The following SUPT20H variants were observed in gnomAD, a reference collection of about 807,000 sequenced individuals.
SUPT20H encodes the protein SPT20 homolog, SAGA complex component, also known as transcription factor SPT20 homolog.
In SUPT20H, 82 loss-of-function variants were observed where a neutral mutation model predicts 122.8. The ratio of observed to expected loss-of-function variants is 0.67; its 90% CI spans 0.56 to 0.80. The LOEUF is 0.80. Among genes scored for constraint, SUPT20H ranks in the 30% least tolerant of loss-of-function variants. The pLI, the probability that SUPT20H is intolerant of heterozygous loss-of-function variation, is 0.00. For missense variants in SUPT20H, 831 were observed against 921.6 expected, an observed-to-expected ratio of 0.90 and a Z score of 1.27; for synonymous variants, 291 against 313.0, an observed-to-expected ratio of 0.93 and a Z score of 0.74.
In SUPT20H at chr13:37,051,537, T is replaced by G. The variant is rs369771107; in HGVS notation, c.-47A>C. The G allele has an allele frequency of 6.3e-7, 1 of 1,599,982 alleles. No homozygotes were observed. Among genetic ancestry groups the G allele is most frequent in the East Asian group, 2.2e-5 (1 of 44,660 alleles). On this transcript the variant is annotated 5_prime_UTR_variant, in exon 2 of 26. Coordinates refer to ENST00000350612, the MANE Select transcript of SUPT20H (RefSeq NM_001014286.3). ...AAAAGAAGAGATAACTTATGTACGCTGATGAAGTGGGGTGAACACCATGCC... is the reference window on the plus strand; with the variant it reads ...AAAAGAAGAGATAACTTATGTACGCGGATGAAGTGGGGTGAACACCATGCC...
intron 25 of SUPT20H, 77 bp from the exon 26 acceptor site, chr13:37,009,886 AACAAC>A (rs1484023707): frequency 2.2e-5 from 34 of 1,531,026 alleles, no homozygotes; most frequent in South Asian, 3.9e-5. Flanking sequence ...TGAGTGACGA[AACAAC>A]ACAACTGAAA....
chr13:37,024,025 T>C lies in SUPT20H; in HGVS notation c.1591+10A>G. 6.3e-7 allele frequency: 1 copy of C among 1,594,210 alleles called. No homozygotes were observed. The highest frequency in any genetic ancestry group is 8.5e-7 in the Non-Finnish European group (1 of 1,172,720). ...TGAAGATTTAATGAAGAATTTAAGT[T>C]ATGACTCACTTTGTGATGAGCTGGC... On this transcript the variant is annotated intron_variant, in intron 19 of 25. Transcript: ENST00000350612.
At chr13:37,015,814 A>G (rs1156756921) in intron 23 of SUPT20H, among the ~76,000 whole-genome samples, 1 of 152,158 alleles carries the variant, frequency 6.6e-6, no homozygotes, top group East Asian at 1.9e-4. Flanking sequence ...TAAACAAAAT[A>G]TGGTATATAC....
At chr13:37,019,474 T>A in intron 21 of SUPT20H, 77 bp from the exon 22 acceptor site, 1 of 993,666 alleles carries the variant, frequency 1.0e-6, no homozygotes, top group Non-Finnish European at 1.5e-6. Flanking sequence ...TTAGTATATA[T>A]AAGTACAATA....
At chr13:37,044,837 T>G (rs544366806) in intron 6 of SUPT20H, among the ~76,000 whole-genome samples, 6 of 152,220 alleles carry the variant, frequency 3.9e-5, no homozygotes, top group Non-Finnish European at 8.8e-5. Context: ...ATGTTCAAAC[T>G]GCAGGACTAC....
At position 37,022,375 on chromosome 13, in the gene SUPT20H, A is replaced by C; in HGVS notation, c.1592-295T>G. 7 of 1,349,462 alleles carry C rather than the reference A, an allele frequency of 5.2e-6. No homozygotes were observed. Among genetic ancestry groups the C allele is most frequent in the Non-Finnish European group, 6.7e-6 (7 of 1,051,520 alleles). The allele number at this position is 1,349,462 out of a possible 1,614,324, so 83.6% of individuals were successfully genotyped here. A position where few individuals can be genotyped will look rare whatever the true frequency, so the allele number is the denominator to read the frequency against. On this transcript the variant is annotated intron_variant, in intron 19 of 25. Coordinates refer to ENST00000350612, the MANE Select transcript of SUPT20H (RefSeq NM_001014286.3). This position sits in a 1 kb window ranked among gnomAD's most constrained non-coding sequence, Gnocchi z 4.5. ...TGTTATAAATGGCCAGTCCTTTTAAAATAAGGTTAATGGAATCTTACTTAG... is the reference window on the plus strand; with the variant it reads ...TGTTATAAATGGCCAGTCCTTTTAACATAAGGTTAATGGAATCTTACTTAG...
chr13:37,043,251 G>C (rs1046823222), intron 7 of SUPT20H, among the ~76,000 whole-genome samples: 4 of 152,190 alleles, frequency 2.6e-5, no homozygotes, highest in Non-Finnish European at 5.9e-5. Context: ...TATGAAGAGA[G>C]AGGTAGGGAT....
At position 37,018,364 on chromosome 13, in the gene SUPT20H, G is replaced by A. The variant is rs145220284; in HGVS notation, c.1872+978C>T. Among the ~76,000 whole-genome samples the A allele has an allele frequency of 7.4e-3, 1,120 of 152,250 alleles. 6 individuals carry two copies. Among genetic ancestry groups the A allele is most frequent in the Middle Eastern group, 0.014 (4 of 294 alleles). On this transcript the variant is annotated intron_variant, in intron 22 of 25. Coordinates refer to ENST00000350612, the MANE Select transcript of SUPT20H (RefSeq NM_001014286.3). ...GCTAAATAAACAAATGCAATTTGTG[G>A]GCTTGCCCATATTATAAGTATATTG...
At chr13:37,026,630 G>C (rs1052951130) in intron 15 of SUPT20H, among the ~76,000 whole-genome samples, 160 bp downstream of exon 15, 2 of 152,018 alleles carry the variant, frequency 1.3e-5, no homozygotes, top group African/African-American at 4.8e-5. Flanking sequence ...AATTTTAGAA[G>C]TTACTATTAA....
In SUPT20H at chr13:37,009,761, G is replaced by GTGC. The variant is rs1413073870; in HGVS notation, c.2248_2250dup (p.Ala750dup). ...CGATGATGATGTAGCTGAGCTGTTTGTGCTGCTGCTGCTGCCATAGCCATT... is the reference window on the plus strand; with the variant it reads ...CGATGATGATGTAGCTGAGCTGTTTGTGCTGCTGCTGCTGCTGCCATAGCCATT... On this transcript the variant is annotated inframe_insertion, in exon 26 of 26. Coordinates refer to ENST00000350612, the MANE Select transcript of SUPT20H (RefSeq NM_001014286.3). 3.1e-6 allele frequency: 5 copies of GTGC among 1,613,780 alleles called. No individual in the cohort carries two copies. Among genetic ancestry groups the GTGC allele is most frequent in the Non-Finnish European group, 3.4e-6 (4 of 1,179,880 alleles).
rs1183065791 is a variant in SUPT20H at position 37,025,412 on chromosome 13, C to T, written c.1237G>A (p.Val413Ile). 1 of 1,613,582 alleles carries T rather than the reference C, an allele frequency of 6.2e-7. No homozygotes were observed. Among genetic ancestry groups the T allele is most frequent in the Non-Finnish European group, 8.5e-7 (1 of 1,179,748 alleles). ...ERVVNQYQELVQNEAKCPVKM... is the reference protein window; with the variant it reads ...ERVVNQYQELIQNEAKCPVKM... ...ACCGGACATTTGGCTTCATTCTGGA[C>T]TAATTCTTGGTACTGATTGACTACC... Residue 413 changes from valine (V) to isoleucine (I), a missense_variant, in exon 17 of 26, where the codon GTC becomes ATC. Val to Ile is a conservative substitution (Grantham distance 29). Transcript: ENST00000350612.
At chr13:37,010,690 A>C (rs765715643) in intron 24 of SUPT20H, 35 bp from the exon 25 acceptor site, 1 of 1,542,332 alleles carries the variant, frequency 6.5e-7, no homozygotes. Context: ...AGGCCAGTCA[A>C]AAAGTTTGAA....
Position 37,047,549 on chromosome 13 carries a change from CT to C in SUPT20H, c.150del (p.Glu51AsnfsTer7). On this transcript the variant is annotated frameshift_variant, in exon 5 of 26. Coordinates refer to ENST00000350612, the MANE Select transcript of SUPT20H (RefSeq NM_001014286.3). LOFTEE classifies it high-confidence loss of function. ...TGTATACTTACCTTAACTTCAGGTTCTTTTTCACATTCTTCAATATACAAGT... is the reference window on the plus strand; with the variant it reads ...TGTATACTTACCTTAACTTCAGGTTCTTTTCACATTCTTCAATATACAAGT... ...LYDLYIEECE[K>X]EPEVKKLRRN... 1.4e-6 allele frequency: 2 copies of C among 1,443,396 alleles called. No individual in the cohort carries two copies. The highest frequency in any genetic ancestry group is 2.7e-5 in the Admixed American group (1 of 36,786). 89.4% of individuals were successfully genotyped at this position (1,443,396 alleles called of 1,614,324 possible). A position where few individuals can be genotyped will look rare whatever the true frequency, so the allele number is the denominator to read the frequency against.
In SUPT20H at chr13:37,022,393, T is replaced by C; in HGVS notation, c.1592-313A>G. 1 of 1,330,964 alleles carries C rather than the reference T, an allele frequency of 7.5e-7. No individual in the cohort carries two copies. The highest frequency in any genetic ancestry group is 9.6e-7 in the Non-Finnish European group (1 of 1,041,836). The allele number at this position is 1,330,964 out of a possible 1,614,324, so 82.4% of individuals were successfully genotyped here. On this transcript the variant is annotated intron_variant, in intron 19 of 25. Coordinates refer to ENST00000350612, the MANE Select transcript of SUPT20H (RefSeq NM_001014286.3). This position sits in a 1 kb window ranked among gnomAD's most constrained non-coding sequence, Gnocchi z 4.5. The stretch of plus-strand genomic sequence containing the variant: ...CTTTTAAAATAAGGTTAATGGAATC[T>C]TACTTAGCACTGACAATTTGTTCTA...
chr13:37,028,669 C>G (rs943866315), intron 13 of SUPT20H, among the ~76,000 whole-genome samples: 2 of 151,906 alleles, frequency 1.3e-5, no homozygotes, highest in African/African-American at 4.8e-5. Context: ...ACTGAAAGCT[C>G]CACCATATTT....
At chr13:37,013,353 T>C (rs548434752) in intron 23 of SUPT20H, 1 of 152,204 alleles carries the variant, frequency 6.6e-6, no homozygotes, top group East Asian at 1.9e-4. Flanking sequence ...TCAGAAAGAA[T>C]AGCTGTTTTT....
At chr13:37,013,525 A>G (rs2059942139) in intron 23 of SUPT20H, 1 of 152,032 alleles carries the variant, frequency 6.6e-6, no homozygotes, top group Non-Finnish European at 1.5e-5. Context: ...AGAAACTATA[A>G]AACTGTTAGA....
chr13:37,026,741 A>C (rs2062353367), intron 15 of SUPT20H, 49 bp downstream of exon 15: 1 of 1,093,572 alleles, frequency 9.1e-7, no homozygotes, highest in Non-Finnish European at 1.3e-6. Flanking sequence ...AAAGAGTTTG[A>C]TATTTATGTA....
chr13:37,032,928 C>T (rs2063649999), intron 10 of SUPT20H, among the ~76,000 whole-genome samples: 1 of 152,016 alleles, frequency 6.6e-6, no homozygotes, highest in Non-Finnish European at 1.5e-5. Context: ...TCTCAAATCT[C>T]AAAATTACAA....
Sources: gnomAD v4.1 joint callset for allele counts (sites outside exome capture counted in the v4.1 genomes callset) on GRCh38, gnomAD v4.1.1 for gene constraint, Gnocchi (gnomAD v3.1) non-coding constraint, MANE v1.5 for transcripts, NCBI Gene and HGNC (gene_info 2026-07-23, HGNC 2026-07-21) for gene names.